Variants in SUPT3H observed in about 807,000 individuals in gnomAD.
SUPT3H encodes SPT3 homolog, SAGA and STAGA complex component, also known as transcription initiation protein SPT3 homolog.
In SUPT3H, 44 loss-of-function variants were observed where a neutral mutation model predicts 44.3. The observed-to-expected ratio is 0.99, with a 90% CI of 0.78 to 1.28. The LOEUF (loss-of-function observed/expected upper bound fraction) is 1.28, where lower values mean the gene tolerates loss of function less well. Among genes scored for constraint, SUPT3H ranks in the 50% most tolerant of loss-of-function variants. SUPT3H has a pLI of 0.00. For synonymous variants in SUPT3H, 124 were observed against 125.6 expected (o/e 0.99, Z 0.09); for missense variants, 380 against 387.1 (o/e 0.98, Z 0.15).
intron 2 of SUPT3H, among the ~76,000 whole-genome samples, chr6:45,316,434 A>C (rs938713864): frequency 6.6e-6 from 1 of 151,902 alleles, no homozygotes; most frequent in African/African-American, 2.4e-5. Context: ...AAAATACTGT[A>C]TCAAGCAAAA....
chr6:45,182,938 A>G (rs1813545057), intron 2 of SUPT3H, among the ~76,000 whole-genome samples: 1 of 152,224 alleles, frequency 6.6e-6, no homozygotes, highest in Non-Finnish European at 1.5e-5. Context: ...AAAAGGTTAA[A>G]CATGTAATTA....
intron 9 of SUPT3H, among the ~76,000 whole-genome samples, chr6:44,937,822 A>C (rs1771714618): frequency 6.6e-6 from 1 of 150,634 alleles, no homozygotes; most frequent in African/African-American, 2.4e-5. Flanking sequence ...GTTCCTTGTA[A>C]ATTCTGGCTG....
chr6:45,306,466 C>T (rs1403681080), intron 2 of SUPT3H, among the ~76,000 whole-genome samples: 3 of 152,142 alleles, frequency 2.0e-5, no homozygotes, highest in Non-Finnish European at 4.4e-5. Flanking sequence ...CTTGAACCCT[C>T]ACTGGTGCCA....
At chr6:45,070,789 T>A (rs1195288552) in intron 3 of SUPT3H, among the ~76,000 whole-genome samples, 2 of 142,640 alleles carry the variant, frequency 1.4e-5, no homozygotes, top group Non-Finnish European at 3.1e-5. Flanking sequence ...ATGAAAGCAA[T>A]TTCTTTTTAC....
intron 2 of SUPT3H, among the ~76,000 whole-genome samples, chr6:45,213,221 T>C (rs1451860629): frequency 2.0e-5 from 3 of 152,204 alleles, no homozygotes; most frequent in Admixed American, 6.5e-5. Context: ...GAGTATGCAT[T>C]GTTCAAGCAA....
chr6:45,143,929 C>T (rs1018384637), intron 2 of SUPT3H, among the ~76,000 whole-genome samples: 4 of 151,974 alleles, frequency 2.6e-5, no homozygotes, highest in African/African-American at 9.7e-5. Flanking sequence ...TTTATATACA[C>T]GAACTAGAAA....
At chr6:45,157,483 G>A (rs1808018709) in intron 2 of SUPT3H, among the ~76,000 whole-genome samples, 1 of 151,382 alleles carries the variant, frequency 6.6e-6, no homozygotes, top group Admixed American at 6.6e-5. Context: ...AATTGGTCTG[G>A]GTAGAAACCA....
At chr6:45,377,661 C>A (rs1435897879) in intron 1 of SUPT3H, 107 bp downstream of exon 1, 1 of 152,224 alleles carries the variant, frequency 6.6e-6, no homozygotes, top group Admixed American at 6.5e-5. Flanking sequence ...CAGGGCGTGG[C>A]CGGCGCGGGG....
chr6:45,256,979 G>GT (rs1183142982), intron 2 of SUPT3H, among the ~76,000 whole-genome samples: 3 of 152,120 alleles, frequency 2.0e-5, no homozygotes, highest in African/African-American at 7.2e-5. Flanking sequence ...AGGTCATGTC[G>GT]TAATTCGACG....
At chr6:45,234,530 CAAAAA>C (rs10713328) in intron 2 of SUPT3H, among the ~76,000 whole-genome samples, 1 of 126,962 alleles carries the variant, frequency 7.9e-6, no homozygotes, top group Non-Finnish European at 1.7e-5. Flanking sequence ...GACGCTGTCA[CAAAAA>C]AAAAAAAAAA....
At chr6:44,898,231 G>A (rs1397049546) in intron 10 of SUPT3H, among the ~76,000 whole-genome samples, 2 of 152,092 alleles carry the variant, frequency 1.3e-5, no homozygotes, top group African/African-American at 2.4e-5. Flanking sequence ...TCTTGCCTCC[G>A]GGTATTCATG....
chr6:45,195,337 G>A (rs1417381848), intron 2 of SUPT3H, among the ~76,000 whole-genome samples: 2 of 152,164 alleles, frequency 1.3e-5, no homozygotes, highest in Non-Finnish European at 2.9e-5. Context: ...GTACAGGTGT[G>A]TAGGTTTTAA....
At chr6:44,852,463 C>T (rs1261038886) in intron 10 of SUPT3H, among the ~76,000 whole-genome samples, 3 of 152,020 alleles carry the variant, frequency 2.0e-5, no homozygotes, top group African/African-American at 7.2e-5. Context: ...TTTACTTAAC[C>T]TCTTCTGGTT....
intron 2 of SUPT3H, among the ~76,000 whole-genome samples, chr6:45,244,941 A>G (rs1271941929): frequency 6.6e-6 from 1 of 152,198 alleles, no homozygotes; most frequent in Non-Finnish European, 1.5e-5. Context: ...AATTTGACAT[A>G]ATAAATACAA....
intron 9 of SUPT3H, among the ~76,000 whole-genome samples, chr6:44,942,693 T>C (rs902101173): frequency 6.6e-6 from 1 of 152,108 alleles, no homozygotes; most frequent in Admixed American, 6.6e-5. Flanking sequence ...GCCTCCTGAG[T>C]AGCTGAAATA....
chr6:45,116,628 A>T (rs1015270521), intron 2 of SUPT3H, among the ~76,000 whole-genome samples: 2 of 152,176 alleles, frequency 1.3e-5, no homozygotes, highest in African/African-American at 4.8e-5. Context: ...AAATCCTTTT[A>T]CATGACAGGT....
intron 6 of SUPT3H, among the ~76,000 whole-genome samples, chr6:44,969,808 C>T (rs1285135730): frequency 1.3e-5 from 2 of 150,462 alleles, no homozygotes; most frequent in East Asian, 1.9e-4. Flanking sequence ...TCCAGTGGTG[C>T]TAATTTGTTT....
At chr6:45,258,647 G>A (rs779799400) in intron 2 of SUPT3H, among the ~76,000 whole-genome samples, 3 of 152,224 alleles carry the variant, frequency 2.0e-5, no homozygotes, top group East Asian at 1.9e-4. Flanking sequence ...AACAAAGGAA[G>A]CAACCATTTC....
At chr6:45,128,503 C>CAAAAAAAA (rs1168489460) in intron 2 of SUPT3H, among the ~76,000 whole-genome samples, 4 of 12,462 alleles carry the variant, frequency 3.2e-4, no homozygotes, top group Admixed American at 1.7e-3. Context: ...GACTCTGTCT[C>CAAAAAAAA]AAAAAAAAAA....
Sources: gnomAD v4.1 joint callset for allele counts (sites outside exome capture counted in the v4.1 genomes callset) on GRCh38, gnomAD v4.1.1 for gene constraint, MANE v1.5 for transcripts, NCBI Gene and HGNC (gene_info 2026-07-23, HGNC 2026-07-21) for gene names.